SMURF2: variants seen among roughly 807,000 people sequenced by gnomAD.
SMURF2 encodes the protein SMAD specific E3 ubiquitin protein ligase 2, also known as E3 ubiquitin-protein ligase SMURF2.
In SMURF2, 48 loss-of-function variants were observed where a neutral mutation model predicts 109.6. That is an observed-to-expected ratio of 0.44 (90% CI 0.35 to 0.56). The LOEUF (loss-of-function observed/expected upper bound fraction) is 0.56, where lower values mean the gene tolerates loss of function less well. Among genes scored for constraint, SMURF2 ranks in the 20% least tolerant of loss-of-function variants. The probability of loss-of-function intolerance (pLI) is 0.01; values close to 1 mark genes in which losing one functional copy is unlikely to be tolerated. For synonymous variants in SMURF2, 288 were observed against 317.1 expected (o/e 0.91, Z 0.97); for missense variants, 575 against 909.0 (o/e 0.63, Z 4.72).
chr17:64,596,483 G>T (rs1290737231), intron 3 of SMURF2, among the ~76,000 whole-genome samples: 2 of 146,482 alleles, frequency 1.4e-5, no homozygotes, highest in Non-Finnish European at 3.0e-5. Context: ...AAGATAAGAA[G>T]TCAAAGTATA....
intron 3 of SMURF2, among the ~76,000 whole-genome samples, chr17:64,595,200 A>G (rs144568382): frequency 2.6e-5 from 4 of 152,312 alleles, no homozygotes; most frequent in Non-Finnish European, 5.9e-5. Context: ...AAATCATAAT[A>G]AGAAATTGCT....
At chr17:64,623,442 A>C (rs1041867456) in intron 1 of SMURF2, among the ~76,000 whole-genome samples, 1 of 152,194 alleles carries the variant, frequency 6.6e-6, no homozygotes, top group Non-Finnish European at 1.5e-5. Flanking sequence ...TTCCAATGGA[A>C]TCTGCCTAGA....
At chr17:64,570,793 T>C (rs1429397460) in intron 10 of SMURF2, among the ~76,000 whole-genome samples, 1 of 152,166 alleles carries the variant, frequency 6.6e-6, no homozygotes, top group South Asian at 2.1e-4. Flanking sequence ...GTTTGTTTGC[T>C]TTTTAAAGAC....
At chr17:64,609,403 G>T (rs183834388) in intron 1 of SMURF2, among the ~76,000 whole-genome samples, 13 of 152,098 alleles carry the variant, frequency 8.5e-5, no homozygotes, top group Non-Finnish European at 1.0e-4. Context: ...AAAACAGCAC[G>T]GTACTGGTAC....
At chr17:64,619,154 T>A (rs1160826702) in intron 1 of SMURF2, among the ~76,000 whole-genome samples, 1 of 152,018 alleles carries the variant, frequency 6.6e-6, no homozygotes, top group Non-Finnish European at 1.5e-5. Context: ...AAATTTCTCA[T>A]AAAATTAACC....
intron 3 of SMURF2, among the ~76,000 whole-genome samples, chr17:64,597,154 CA>C (rs1271385056): frequency 6.6e-6 from 1 of 152,070 alleles, no homozygotes; most frequent in Non-Finnish European, 1.5e-5. Flanking sequence ...GCTTGTAATC[CA>C]AATACTTTGG....
chr17:64,579,260 G>C (rs940003884), intron 8 of SMURF2, among the ~76,000 whole-genome samples: 1 of 151,798 alleles, frequency 6.6e-6, no homozygotes, highest in Non-Finnish European at 1.5e-5. Context: ...ATCTCTAAAA[G>C]GGTTTCTTTA....
intron 16 of SMURF2, among the ~76,000 whole-genome samples, chr17:64,551,374 G>C (rs1486165336): frequency 2.0e-5 from 3 of 151,820 alleles, no homozygotes; most frequent in African/African-American, 7.3e-5. Context: ...AAAAAAGAGA[G>C]AGAGAGACAG....
chr17:64,561,629 T>G, intron 11 of SMURF2, 26 bp from the exon 12 acceptor site: 1 of 1,513,734 alleles, frequency 6.6e-7, no homozygotes, highest in Non-Finnish European at 9.1e-7. Flanking sequence ...TTTAATACCC[T>G]ATTACTATTA....
chr17:64,573,346 TA>T (rs1256658607), intron 9 of SMURF2, among the ~76,000 whole-genome samples: 5 of 151,532 alleles, frequency 3.3e-5, no homozygotes, highest in African/African-American at 1.2e-4. Context: ...TAATTATAAG[TA>T]ATCACAAATT....
chr17:64,611,497 G>C (rs1970044257), intron 1 of SMURF2, among the ~76,000 whole-genome samples: 1 of 151,986 alleles, frequency 6.6e-6, no homozygotes. Context: ...TCAATAAATA[G>C]CCTTCCTTTC....
At chr17:64,660,925 C>A (rs913079852) in intron 1 of SMURF2, 1 of 152,096 alleles carries the variant, frequency 6.6e-6, no homozygotes. Context: ...AGATTTCATG[C>A]ACCTGGAATC....
chr17:64,581,534 T>A lies in SMURF2; in HGVS notation c.570-543A>T, dbSNP rs1429431327. 2.6e-5 allele frequency among the ~76,000 whole-genome samples: 4 copies of A among 152,188 alleles called. No homozygotes were observed. The East Asian group carries it at 7.7e-4, about 29-fold the overall frequency. ...CCTCAGACCTCCCAATCTAAAAAAGTCACCCAGTCATTTGACAATACATCA... is the reference window on the plus strand; with the variant it reads ...CCTCAGACCTCCCAATCTAAAAAAGACACCCAGTCATTTGACAATACATCA... On this transcript the variant is annotated intron_variant, in intron 7 of 18. Transcript: ENST00000262435. This position sits in a 1 kb window ranked among gnomAD's most constrained non-coding sequence, Gnocchi z 4.3.
At chr17:64,561,285 G>C (rs1278923513) in intron 12 of SMURF2, among the ~76,000 whole-genome samples, 26 of 152,152 alleles carry the variant, frequency 1.7e-4, no homozygotes, top group African/African-American at 6.0e-4. Context: ...AGTCTCATGG[G>C]ACTCAGATGG....
chr17:64,659,502 T>C (rs1460712029), intron 1 of SMURF2, among the ~76,000 whole-genome samples: 1 of 141,428 alleles, frequency 7.1e-6, no homozygotes, highest in African/African-American at 2.6e-5. Flanking sequence ...CTTAAGGTCT[T>C]CACAAAGAAT....
intron 2 of SMURF2, among the ~76,000 whole-genome samples, chr17:64,600,816 T>G (rs1294894592): frequency 1.3e-5 from 2 of 152,132 alleles, no homozygotes; most frequent in Non-Finnish European, 2.9e-5. Flanking sequence ...ACTATTTAAA[T>G]AAATAAACAT....
chr17:64,661,898 C>G lies in SMURF2; in HGVS notation c.-18G>C, dbSNP rs889012464. 1 of 1,183,438 alleles carries G rather than the reference C, an allele frequency of 8.4e-7. No homozygotes were observed. The highest frequency in any genetic ancestry group is 1.0e-6 in the Non-Finnish European group (1 of 957,350). The allele number at this position is 1,183,438 out of a possible 1,614,324, so 73.3% of individuals were successfully genotyped here. ...TTAGACATGTCCCCGGCGGCGGGGG[C>G]GGCGGGGGCGGCGGGCGGCACGGGG... On this transcript the variant is annotated 5_prime_UTR_variant, in exon 1 of 19. Coordinates refer to ENST00000262435, the MANE Select transcript of SMURF2 (RefSeq NM_022739.4).
chr17:64,650,340 G>GT (rs1361146674), intron 1 of SMURF2, among the ~76,000 whole-genome samples: 2 of 143,816 alleles, frequency 1.4e-5, no homozygotes, highest in South Asian at 2.2e-4. Flanking sequence ...CGGGTTTTTT[G>GT]TTTTTTGTTT....
intron 9 of SMURF2, among the ~76,000 whole-genome samples, chr17:64,572,642 A>G (rs1386559096): frequency 6.6e-6 from 1 of 152,230 alleles, no homozygotes; most frequent in Non-Finnish European, 1.5e-5. Context: ...TATATAGAGA[A>G]GGATTAATAG....
Sources: allele counts gnomAD v4.1 joint callset (sites outside exome capture counted in the v4.1 genomes callset), GRCh38; gene constraint gnomAD v4.1.1; non-coding constraint Gnocchi (gnomAD v3.1); transcripts MANE v1.5; gene names NCBI Gene and HGNC (gene_info 2026-07-23, HGNC 2026-07-21).